Variants in PDE10A observed in about 807,000 individuals in gnomAD.
PDE10A encodes the protein cAMP and cAMP-inhibited cGMP 3',5'-cyclic phosphodiesterase 10A.
In PDE10A, 39 loss-of-function variants were observed where a neutral mutation model predicts 97.7. The observed-to-expected ratio is 0.40, with a 90% CI of 0.31 to 0.52. The LOEUF is 0.52. Ranked by LOEUF, PDE10A falls within the 20% of genes least tolerant of loss-of-function variation. The pLI, the probability that PDE10A is intolerant of heterozygous loss-of-function variation, is 0.56. For synonymous variants in PDE10A, 371 were observed against 376.8 expected, an observed-to-expected ratio of 0.98 and a Z score of 0.18; for missense variants, 731 against 1,047.8, an observed-to-expected ratio of 0.70 and a Z score of 4.17.
intron 1 of PDE10A, among the ~76,000 whole-genome samples, chr6:165,587,657 A>C (rs908488644): frequency 1.0e-4 from 6 of 58,416 alleles, no homozygotes; most frequent in African/African-American, 1.6e-4. Context: ...TAAATGTCAG[A>C]TATGAATTTT....
intron 1 of PDE10A, among the ~76,000 whole-genome samples, chr6:165,591,394 T>G (rs956788833): frequency 3.3e-5 from 5 of 152,246 alleles, no homozygotes; most frequent in African/African-American, 1.2e-4. Context: ...AGCATGATTG[T>G]ATAGTTGGTG....
intron 1 of PDE10A, among the ~76,000 whole-genome samples, chr6:165,764,683 A>G (rs79663716): frequency 0.11 from 16,400 of 152,058 alleles, 1,112 homozygotes; most frequent in South Asian, 0.19. Context: ...TTATAGTCCC[A>G]CCGGCTCAGG....
At chr6:165,758,084 G>A (rs370592997) in intron 1 of PDE10A, among the ~76,000 whole-genome samples, 87 of 152,320 alleles carry the variant, frequency 5.7e-4, no homozygotes, top group African/African-American at 2.0e-3. Flanking sequence ...TAAGTGGAAG[G>A]TTATGATTGA....
intron 2 of PDE10A, among the ~76,000 whole-genome samples, chr6:165,496,554 T>C (rs553150225): frequency 1.3e-5 from 2 of 152,346 alleles, no homozygotes; most frequent in Admixed American, 1.3e-4. Flanking sequence ...GTTTTGTTCC[T>C]GTCCATTCAA....
chr6:165,341,255 T>C (rs1342542875), intron 19 of PDE10A, among the ~76,000 whole-genome samples: 1 of 152,184 alleles, frequency 6.6e-6, no homozygotes, highest in Non-Finnish European at 1.5e-5. Flanking sequence ...GAGAGCTGAA[T>C]CATTATCTGT....
intron 1 of PDE10A, among the ~76,000 whole-genome samples, chr6:165,701,261 T>C (rs1023826926): frequency 1.3e-5 from 2 of 152,208 alleles, no homozygotes; most frequent in African/African-American, 4.8e-5. Context: ...ATAGAAACCA[T>C]CTGACGGTCT....
At chr6:165,485,594 CTT>C (rs761374906) in intron 2 of PDE10A, among the ~76,000 whole-genome samples, 23 of 139,024 alleles carry the variant, frequency 1.7e-4, no homozygotes, top group Admixed American at 1.5e-4. Context: ...TGACAGCATC[CTT>C]TTTTTTTTTT....
chr6:165,921,650 G>C (rs995835977), intron 1 of PDE10A, among the ~76,000 whole-genome samples: 16 of 152,192 alleles, frequency 1.1e-4, no homozygotes, highest in South Asian at 4.1e-4. Context: ...CCTGGAAAGA[G>C]GCTGTTCCAA....
At chr6:165,849,238 T>C (rs1780504660) in intron 1 of PDE10A, among the ~76,000 whole-genome samples, 2 of 152,086 alleles carry the variant, frequency 1.3e-5, no homozygotes, top group Non-Finnish European at 2.9e-5. Context: ...ATTAAAAAGA[T>C]AACACATTCG....
intron 1 of PDE10A, among the ~76,000 whole-genome samples, chr6:165,618,698 C>T (rs536262569): frequency 5.3e-5 from 8 of 152,338 alleles, no homozygotes; most frequent in Admixed American, 3.3e-4. Context: ...CTCGTCCTCT[C>T]TCCTGTCCCC....
intron 1 of PDE10A, among the ~76,000 whole-genome samples, chr6:165,618,360 G>A (rs1195087468): frequency 6.6e-6 from 1 of 152,110 alleles, no homozygotes; most frequent in Non-Finnish European, 1.5e-5. Flanking sequence ...AAGACTAACA[G>A]CCTGATGCTG....
chr6:165,732,314 G>A (rs533831975), intron 1 of PDE10A, among the ~76,000 whole-genome samples: 5 of 152,364 alleles, frequency 3.3e-5, no homozygotes, highest in African/African-American at 1.2e-4. Flanking sequence ...TTCTGATGGT[G>A]TAGGGAGAAG....
chr6:165,885,788 C>A (rs1781616026), intron 1 of PDE10A, among the ~76,000 whole-genome samples: 1 of 152,158 alleles, frequency 6.6e-6, no homozygotes, highest in South Asian at 2.1e-4. Flanking sequence ...GTTCTGTGTT[C>A]CTCTTTTAGA....
At chr6:165,924,955 G>A (rs1467744852) in intron 1 of PDE10A, among the ~76,000 whole-genome samples, 3 of 152,132 alleles carry the variant, frequency 2.0e-5, no homozygotes, top group Admixed American at 1.3e-4. Flanking sequence ...CTGTGCAAGA[G>A]TCTCTGAAGA....
At chr6:165,479,783 T>C (rs939465973) in intron 3 of PDE10A, among the ~76,000 whole-genome samples, 2 of 151,986 alleles carry the variant, frequency 1.3e-5, no homozygotes, top group African/African-American at 4.8e-5. Context: ...ATATTGGTCA[T>C]TGAATGATAG....
At chr6:165,643,123 A>G (rs560042767) in intron 1 of PDE10A, among the ~76,000 whole-genome samples, 3 of 152,098 alleles carry the variant, frequency 2.0e-5, no homozygotes, top group Non-Finnish European at 4.4e-5. Context: ...CCCTGTAACA[A>G]TTTCTCATTT....
At chr6:165,894,754 T>G (rs1402429363) in intron 1 of PDE10A, 1 of 308,722 alleles carries the variant, frequency 3.2e-6, no homozygotes, top group Non-Finnish European at 6.5e-6. Flanking sequence ...CATATTGTGT[T>G]ATAATATTAT....
At chr6:165,444,892 ATTCT>A (rs1262133554) in intron 5 of PDE10A, among the ~76,000 whole-genome samples, 11 of 152,152 alleles carry the variant, frequency 7.2e-5, no homozygotes, top group South Asian at 2.1e-4. Flanking sequence ...AAACTGTATA[ATTCT>A]TTCTTTTTTT....
intron 7 of PDE10A, 36 bp downstream of exon 7, chr6:165,432,938 C>T: frequency 1.5e-5 from 23 of 1,574,638 alleles, no homozygotes; most frequent in Non-Finnish European, 2.0e-5. Flanking sequence ...CTAGGTACAA[C>T]TAAAAATTCT....
Sources: allele counts gnomAD v4.1 joint callset (sites outside exome capture counted in the v4.1 genomes callset), GRCh38; gene constraint gnomAD v4.1.1; transcripts MANE v1.5; gene names NCBI Gene and HGNC (gene_info 2026-07-23, HGNC 2026-07-21).